Variants in TLK2 observed in about 807,000 individuals in gnomAD.
TLK2 encodes the protein tousled like kinase 2.
Under a neutral mutation model 117.3 loss-of-function variants are expected in TLK2, and 6 were observed. The observed-to-expected ratio is 0.05, with a 90% CI of 0.03 to 0.10. The LOEUF (loss-of-function observed/expected upper bound fraction) is 0.10. Among genes scored for constraint, TLK2 ranks in the 10% least tolerant of loss-of-function variants. TLK2 has a pLI of 1.00. For synonymous variants in TLK2, 257 were observed against 316.7 expected, an observed-to-expected ratio of 0.81 and a Z score of 2.00; for missense variants, 299 against 901.2, an observed-to-expected ratio of 0.33 and a Z score of 8.56.
At chr17:62,589,194 T>C (rs933285572) in intron 16 of TLK2, among the ~76,000 whole-genome samples, 2 of 152,162 alleles carry the variant, frequency 1.3e-5, no homozygotes, top group African/African-American at 4.8e-5. Flanking sequence ...TAAAAATTTT[T>C]ATTTTAAAAA....
chr17:62,587,415 T>TTTTG (rs368712571), intron 16 of TLK2, among the ~76,000 whole-genome samples: 32 of 152,130 alleles, frequency 2.1e-4, no homozygotes, highest in East Asian at 1.2e-3. Flanking sequence ...TTTTTTGGTG[T>TTTTG]TTTGTTTGTT....
intron 21 of TLK2, among the ~76,000 whole-genome samples, chr17:62,611,654 T>G (rs2083779377): frequency 6.6e-6 from 1 of 152,230 alleles, no homozygotes; most frequent in African/African-American, 2.4e-5. Context: ...TTAAATTAAT[T>G]TATTTAAAAT....
At chr17:62,584,385 G>C (rs2146866758) in intron 15 of TLK2, among the ~76,000 whole-genome samples, 1 of 152,226 alleles carries the variant, frequency 6.6e-6, no homozygotes, top group South Asian at 2.1e-4. Context: ...AAAGTGCTGA[G>C]ATTACAGGTG....
intron 6 of TLK2, among the ~76,000 whole-genome samples, chr17:62,532,543 AC>A (rs1346564985): frequency 6.6e-6 from 1 of 152,218 alleles, no homozygotes; most frequent in Non-Finnish European, 1.5e-5. Flanking sequence ...ACGTTAAAGA[AC>A]TATTCCTGAT....
In TLK2 at chr17:62,508,649, AATACT is replaced by A. The variant is rs1214176845; in HGVS notation, c.82-12123_82-12119del. On this transcript the variant is annotated intron_variant, in intron 2 of 21. Transcript: ENST00000346027. ...AATAATTTCAAAGATACTAGGAATT[AATACT>A]GACGAAATAAGACATAAAAATCAGA... 3.7e-6 allele frequency: 3 copies of A among 815,618 alleles called. No homozygotes were observed. In the East Asian group the frequency reaches 3.7e-4, roughly 101 times the overall value. The allele number at this position is 815,618 out of a possible 1,614,324, so 50.5% of individuals were successfully genotyped here. A position where few individuals can be genotyped will look rare whatever the true frequency, so the allele number is the denominator to read the frequency against.
chr17:62,606,289 A>G, intron 20 of TLK2, 48 bp downstream of exon 20: 1 of 884,578 alleles, frequency 1.1e-6, no homozygotes, highest in Non-Finnish European at 1.7e-6. Context: ...CTTGGGTGGC[A>G]CACACACACA....
chr17:62,531,735 T>C (rs1246991654), intron 6 of TLK2, among the ~76,000 whole-genome samples: 1 of 152,230 alleles, frequency 6.6e-6, no homozygotes, highest in African/African-American at 2.4e-5. Flanking sequence ...TTTAGTGAAT[T>C]TATGGCTTAT....
At chr17:62,561,958 C>T (rs2079315455) in intron 10 of TLK2, among the ~76,000 whole-genome samples, 1 of 152,134 alleles carries the variant, frequency 6.6e-6, no homozygotes, top group Admixed American at 6.5e-5. Context: ...TAGTATATAA[C>T]AAAATTTAAA....
chr17:62,491,273 C>A (rs553111584), intron 2 of TLK2, among the ~76,000 whole-genome samples: 1 of 152,140 alleles, frequency 6.6e-6, no homozygotes, highest in Non-Finnish European at 1.5e-5. Flanking sequence ...CCTTTAAAGT[C>A]ATTTATTTCC....
chr17:62,512,205 C>T (rs1411741490), intron 2 of TLK2, among the ~76,000 whole-genome samples: 1 of 137,722 alleles, frequency 7.3e-6, no homozygotes, highest in African/African-American at 2.7e-5. Flanking sequence ...ATCTTTACAT[C>T]ACCCCTCCTT....
intron 12 of TLK2, among the ~76,000 whole-genome samples, chr17:62,575,675 TTC>T (rs1052693731): frequency 1.3e-5 from 2 of 151,882 alleles, no homozygotes; most frequent in Non-Finnish European, 2.9e-5. Flanking sequence ...CTTTCTGTCT[TTC>T]TCTCTCTCTC....
At chr17:62,568,683 C>G (rs2146520144) in intron 11 of TLK2, among the ~76,000 whole-genome samples, 1 of 151,964 alleles carries the variant, frequency 6.6e-6, no homozygotes, top group Non-Finnish European at 1.5e-5. Context: ...CTCCCGAGTT[C>G]AAGTGATTCT....
chr17:62,518,998 C>T (rs1363523168), intron 2 of TLK2, among the ~76,000 whole-genome samples: 1 of 152,182 alleles, frequency 6.6e-6, no homozygotes, highest in Non-Finnish European at 1.5e-5. Context: ...GATCTGCCCA[C>T]CTCAGCCTCC....
At chr17:62,578,422 C>A in intron 13 of TLK2, 55 bp from the exon 14 acceptor site, 2 of 1,396,442 alleles carry the variant, frequency 1.4e-6, no homozygotes, top group Non-Finnish European at 2.0e-6. Context: ...GAAATAAGAT[C>A]CCGAAAAGGT....
chr17:62,481,852 A>G (rs1349635675), intron 2 of TLK2, among the ~76,000 whole-genome samples: 1 of 152,190 alleles, frequency 6.6e-6, no homozygotes, highest in African/African-American at 2.4e-5. Flanking sequence ...TGATTTTAAT[A>G]CAGTATGCAA....
At chr17:62,583,385 G>A (rs556262238) in intron 15 of TLK2, among the ~76,000 whole-genome samples, 23 of 151,174 alleles carry the variant, frequency 1.5e-4, no homozygotes, top group East Asian at 5.9e-4. Flanking sequence ...ACAAGCCACC[G>A]CACCCAGCCT....
chr17:62,590,297 T>A (rs2081980553), intron 16 of TLK2, among the ~76,000 whole-genome samples: 1 of 151,586 alleles, frequency 6.6e-6, no homozygotes. Context: ...TAGCCAGGCA[T>A]GGTGGCAGGC....
chr17:62,503,797 C>T (rs555867588), intron 2 of TLK2, among the ~76,000 whole-genome samples: 2 of 148,756 alleles, frequency 1.3e-5, no homozygotes, highest in East Asian at 2.0e-4. Context: ...GGCGTGATCT[C>T]AGCTCACTGC....
intron 2 of TLK2, among the ~76,000 whole-genome samples, chr17:62,505,865 A>AT (rs1467495859): frequency 2.2e-4 from 33 of 151,590 alleles, no homozygotes; most frequent in African/African-American, 6.8e-4. Flanking sequence ...CTAATTATTT[A>AT]TTTTTTTTGT....
Sources: gnomAD v4.1 joint callset for allele counts (sites outside exome capture counted in the v4.1 genomes callset) on GRCh38, gnomAD v4.1.1 for gene constraint, MANE v1.5 for transcripts, NCBI Gene and HGNC (gene_info 2026-07-23, HGNC 2026-07-21) for gene names.